Variants in STARD6 observed in about 807,000 individuals in gnomAD.
The protein encoded by STARD6 is StAR related lipid transfer domain containing 6, also known as stAR-related lipid transfer protein 6.
In STARD6, 21 loss-of-function variants were observed where a neutral mutation model predicts 22.3. The ratio of observed to expected loss-of-function variants is 0.94; its 90% CI spans 0.67 to 1.35. The LOEUF is 1.35. Ranked by LOEUF, STARD6 falls within the 40% of genes most tolerant of loss-of-function variation. The probability of loss-of-function intolerance (pLI) is 0.00; values close to 1 mark genes in which losing one functional copy is unlikely to be tolerated. For missense variants in STARD6, 269 were observed against 266.9 expected, an observed-to-expected ratio of 1.01 and a Z score of -0.05; for synonymous variants, 80 against 88.1, an observed-to-expected ratio of 0.91 and a Z score of 0.52.
At chr18:54,332,367 C>CT (rs889962436) in intron 5 of STARD6, among the ~76,000 whole-genome samples, 45 of 152,342 alleles carry the variant, frequency 3.0e-4, no homozygotes, top group African/African-American at 1.1e-3. Context: ...CTCTTCATTC[C>CT]TGCAGATAAG....
At chr18:54,349,764 C>T (rs942035957) in intron 4 of STARD6, among the ~76,000 whole-genome samples, 1 of 152,140 alleles carries the variant, frequency 6.6e-6, no homozygotes, top group Non-Finnish European at 1.5e-5. Flanking sequence ...GTTTGGTTTT[C>T]CATTCCTGAG....
intron 4 of STARD6, 40 bp from the exon 5 acceptor site, chr18:54,337,291 G>A: frequency 6.3e-7 from 1 of 1,587,400 alleles, no homozygotes; most frequent in Admixed American, 1.8e-5. Flanking sequence ...AGCTTAAAAA[G>A]TTTAGTCTAA....
At chr18:54,330,456 A>G (rs2088857109) in intron 6 of STARD6, among the ~76,000 whole-genome samples, 1 of 152,118 alleles carries the variant, frequency 6.6e-6, no homozygotes, top group Non-Finnish European at 1.5e-5. Flanking sequence ...GGAAAATCAG[A>G]AAGATCTGAG....
intron 5 of STARD6, among the ~76,000 whole-genome samples, chr18:54,333,862 C>A (rs2088886882): frequency 6.6e-6 from 1 of 152,122 alleles, no homozygotes; most frequent in South Asian, 2.1e-4. Flanking sequence ...AGGTTGGAGA[C>A]TTAAAGAACT....
intron 4 of STARD6, among the ~76,000 whole-genome samples, chr18:54,349,404 C>A (rs2089072331): frequency 6.6e-6 from 1 of 152,106 alleles, no homozygotes; most frequent in Admixed American, 6.5e-5. Context: ...AACAGAAGTC[C>A]ATTGTGGCTG....
At position 54,331,772 on chromosome 18, in the gene STARD6, G is replaced by A. The variant is rs1400836824; in HGVS notation, c.355C>T (p.Arg119Cys). The A allele has an allele frequency of 3.7e-6, 6 of 1,611,392 alleles. No individual in the cohort carries two copies. The highest frequency in any genetic ancestry group is 2.2e-5 in the East Asian group (1 of 44,862). Residue 119 changes from arginine (R) to cysteine (C), a missense_variant, in exon 6 of 8, where the codon CGC becomes TGC. Transcript: ENST00000307844. ...RDFIDLVYIKRYEGNMNIISS... is the reference protein window; with the variant it reads ...RDFIDLVYIKCYEGNMNIISS... The stretch of plus-strand genomic sequence containing the variant: ...ATAATGTTCATATTTCCTTCGTAGC[G>A]CTTGATGTACACTAAGTCGATAAAG...
intron 7 of STARD6, among the ~76,000 whole-genome samples, chr18:54,328,369 C>T (rs1459183959): frequency 6.6e-6 from 1 of 152,190 alleles, no homozygotes; most frequent in East Asian, 1.9e-4. Context: ...CAACTCTAGT[C>T]CATGCCAGCA....
chr18:54,357,472 G>T (rs896025329), intron 1 of STARD6, among the ~76,000 whole-genome samples: 5 of 152,158 alleles, frequency 3.3e-5, no homozygotes, highest in African/African-American at 7.2e-5. Context: ...GGTGAGGGGG[G>T]ACTGCCTACT....
At chr18:54,354,162 TG>T in intron 3 of STARD6, 59 bp from the exon 4 acceptor site, 1 of 1,126,284 alleles carries the variant, frequency 8.9e-7, no homozygotes, top group Non-Finnish European at 1.3e-6. Flanking sequence ...AAAATGAAAA[TG>T]AAAAACTAAC....
In STARD6 at chr18:54,347,169, T is replaced by C. The variant is rs138880135; in HGVS notation, c.140+6885A>G. On this transcript the variant is annotated intron_variant, in intron 4 of 7. Transcript: ENST00000307844. ...ATCTAATCTATTGCATAAAAACAATTACAACAAAAATTCTTAATGTCTCTT... is the reference window on the plus strand; with the variant it reads ...ATCTAATCTATTGCATAAAAACAATCACAACAAAAATTCTTAATGTCTCTT... 1.8e-3 allele frequency among the ~76,000 whole-genome samples: 269 copies of C among 152,224 alleles called. 1 individual carries two copies. Among genetic ancestry groups the C allele is most frequent in the African/African-American group, 5.8e-3 (243 of 41,562 alleles).
Position 54,324,569 on chromosome 18 carries a change from G to A in STARD6, c.*123C>T. 1 of 826,574 alleles carries A rather than the reference G, an allele frequency of 1.2e-6. No homozygotes were observed. Among genetic ancestry groups the A allele is most frequent in the Non-Finnish European group, 1.8e-6 (1 of 562,280 alleles). The allele number at this position is 826,574 out of a possible 1,614,324, so 51.2% of individuals were successfully genotyped here. A position where few individuals can be genotyped will look rare whatever the true frequency, so the allele number is the denominator to read the frequency against. On this transcript the variant is annotated 3_prime_UTR_variant, in exon 8 of 8. Coordinates refer to ENST00000307844, the MANE Select transcript of STARD6 (RefSeq NM_139171.2). ...ATTTTTATGAACTATCTTCAGCCAT[G>A]TGTACAAGAATACTGTCTAGAATAG...
intron 4 of STARD6, among the ~76,000 whole-genome samples, chr18:54,350,092 T>G (rs1263903790): frequency 6.6e-6 from 1 of 152,170 alleles, no homozygotes; most frequent in Non-Finnish European, 1.5e-5. Context: ...CTGATTTACC[T>G]TCCCACCAAC....
chr18:54,326,354 C>T lies in STARD6; in HGVS notation c.480-1479G>A, dbSNP rs561639916. On this transcript the variant is annotated intron_variant, in intron 7 of 7. Transcript: ENST00000307844. ...TTTTTTTTTTTTTTTTCTTTTGAGA[C>T]GGGGTCTCACTCTGTCACCCAGGCT... 1.7e-4 allele frequency among the ~76,000 whole-genome samples: 20 copies of T among 119,764 alleles called. No homozygotes were observed. In the East Asian group the frequency reaches 3.4e-3, roughly 20 times the overall value. 78.6% of individuals were successfully genotyped at this position (119,764 alleles called of 152,430 possible). A position where few individuals can be genotyped will look rare whatever the true frequency, so the allele number is the denominator to read the frequency against.
chr18:54,339,119 G>A (rs1315445693), intron 4 of STARD6, among the ~76,000 whole-genome samples: 9 of 86,688 alleles, frequency 1.0e-4, no homozygotes, highest in African/African-American at 3.8e-5. Flanking sequence ...AAGAACTAAC[G>A]AAAGCAGGAA....
Position 54,337,148 on chromosome 18 carries a change from T to C in STARD6, c.244A>G (p.Asn82Asp). ...ITWDKSLQVY[N>D]MVHRIDSDTF... ...ACCGAATCAATCCTGTGTACCATAT[T>C]ATACACTTGCAATGATTTATCCCAT... Residue 82 changes from asparagine to aspartate, a missense_variant, in exon 5 of 8, where the codon AAT becomes GAT. By Grantham distance (23) the Asn-to-Asp change is conservative (BLOSUM62 1). Coordinates refer to ENST00000307844, the MANE Select transcript of STARD6 (RefSeq NM_139171.2). 1 of 1,613,144 alleles carries C rather than the reference T, an allele frequency of 6.2e-7. No homozygotes were observed. The highest frequency in any genetic ancestry group is 1.1e-5 in the South Asian group (1 of 90,978).
intron 4 of STARD6, among the ~76,000 whole-genome samples, chr18:54,341,259 C>T (rs902827929): frequency 3.9e-5 from 6 of 152,142 alleles, no homozygotes; most frequent in African/African-American, 1.4e-4. Flanking sequence ...CGGGGTTTCA[C>T]CGTGTTAGCC....
chr18:54,335,407 T>C (rs902346900), intron 5 of STARD6, among the ~76,000 whole-genome samples: 3 of 151,974 alleles, frequency 2.0e-5, no homozygotes, highest in African/African-American at 7.3e-5. Flanking sequence ...TTAGCTAGGC[T>C]GGTCTCAAAC....
At chr18:54,327,394 A>T (rs2088832850) in intron 7 of STARD6, among the ~76,000 whole-genome samples, 1 of 152,332 alleles carries the variant, frequency 6.6e-6, no homozygotes, top group South Asian at 2.1e-4. Context: ...ACTACGAAAA[A>T]ATTCAAAGCA....
At chr18:54,325,849 C>T (rs1004693309) in intron 7 of STARD6, among the ~76,000 whole-genome samples, 2 of 151,990 alleles carry the variant, frequency 1.3e-5, no homozygotes, top group Admixed American at 1.3e-4. Flanking sequence ...CTCACCCAGC[C>T]CCATTTACAC....
Sources: gnomAD v4.1 joint callset for allele counts (sites outside exome capture counted in the v4.1 genomes callset) on GRCh38, gnomAD v4.1.1 for gene constraint, MANE v1.5 for transcripts, NCBI Gene and HGNC (gene_info 2026-07-23, HGNC 2026-07-21) for gene names.